Variants in NLN observed in about 807,000 individuals in gnomAD.
NLN encodes neurolysin, also known as neurolysin, mitochondrial.
A neutral mutation model predicts 79.9 loss-of-function variants in NLN; 64 were observed. The observed-to-expected ratio is 0.80, with a 90% CI of 0.65 to 0.99. NLN has a LOEUF of 0.99. Among genes scored for constraint, NLN ranks in the 50% least tolerant of loss-of-function variants. The pLI, the probability that NLN is intolerant of heterozygous loss-of-function variation, is 0.00. For synonymous variants in NLN, 267 were observed against 296.6 expected (o/e 0.90, Z 1.02); for missense variants, 835 against 858.7 (o/e 0.97, Z 0.34).
chr5:65,780,735 G>A (rs563998733), intron 5 of NLN, among the ~76,000 whole-genome samples: 4 of 152,084 alleles, frequency 2.6e-5, no homozygotes, highest in Non-Finnish European at 5.9e-5. Flanking sequence ...GTGCGATGGC[G>A]CAATCTCGCC....
chr5:65,792,676 A>G (rs1760092556), intron 9 of NLN, 21 bp downstream of exon 9: 2 of 1,572,408 alleles, frequency 1.3e-6, no homozygotes, highest in Non-Finnish European at 8.8e-7. Flanking sequence ...TTTTTCCCCC[A>G]GTAAACCTGC....
chr5:65,789,000 G>A (rs946225659), intron 8 of NLN, among the ~76,000 whole-genome samples: 3 of 151,868 alleles, frequency 2.0e-5, no homozygotes, highest in African/African-American at 4.8e-5. Context: ...AATTAGCCAG[G>A]TGTGGTGTGC....
intron 1 of NLN, among the ~76,000 whole-genome samples, chr5:65,734,898 T>C (rs537084406): frequency 1.3e-5 from 2 of 152,194 alleles, no homozygotes; most frequent in African/African-American, 2.4e-5. Context: ...CTTTCTCCTC[T>C]GCCAAGATAC....
intron 2 of NLN, among the ~76,000 whole-genome samples, chr5:65,759,852 C>G (rs749450269): frequency 1.3e-5 from 2 of 152,134 alleles, no homozygotes; most frequent in Non-Finnish European, 2.9e-5. Flanking sequence ...TTACTTTCCT[C>G]TTTATGTATT....
chr5:65,741,189 A>G (rs1758862221), intron 1 of NLN, among the ~76,000 whole-genome samples: 2 of 152,072 alleles, frequency 1.3e-5, no homozygotes, highest in Admixed American at 6.6e-5. Context: ...TAAGTTTTGA[A>G]GTGAGGTAGT....
intron 3 of NLN, among the ~76,000 whole-genome samples, chr5:65,765,288 C>T (rs1429050605): frequency 1.3e-5 from 2 of 152,142 alleles, no homozygotes; most frequent in South Asian, 2.1e-4. Context: ...GAGGCCAAGG[C>T]GGGTGGATCA....
intron 8 of NLN, among the ~76,000 whole-genome samples, chr5:65,791,715 T>A (rs1485333093): frequency 6.6e-6 from 1 of 150,658 alleles, no homozygotes; most frequent in Non-Finnish European, 1.5e-5. Flanking sequence ...AGAGCAAGAC[T>A]CTGTCTCAAA....
intron 1 of NLN, among the ~76,000 whole-genome samples, chr5:65,743,016 A>G (rs1202932131): frequency 6.6e-6 from 1 of 152,230 alleles, no homozygotes; most frequent in Non-Finnish European, 1.5e-5. Context: ...TATGCTGAAC[A>G]CATTCTTCCA....
chr5:65,782,925 A>G (rs942912216), intron 6 of NLN, among the ~76,000 whole-genome samples: 7 of 152,158 alleles, frequency 4.6e-5, no homozygotes, highest in Non-Finnish European at 8.8e-5. Flanking sequence ...CCATGGTATA[A>G]TGAGAACCTG....
At chr5:65,728,333 T>G (rs1758525093) in intron 1 of NLN, among the ~76,000 whole-genome samples, 1 of 152,192 alleles carries the variant, frequency 6.6e-6, no homozygotes, top group Non-Finnish European at 1.5e-5. Context: ...CTTTTGGGGA[T>G]GTATGCAATT....
intron 1 of NLN, among the ~76,000 whole-genome samples, chr5:65,726,370 G>A (rs187148130): frequency 6.6e-6 from 1 of 152,276 alleles, no homozygotes; most frequent in East Asian, 1.9e-4. Context: ...CTGAGTGCAT[G>A]GCAATGAAAA....
intron 1 of NLN, among the ~76,000 whole-genome samples, chr5:65,752,758 T>C (rs1346511835): frequency 6.6e-6 from 1 of 152,174 alleles, no homozygotes; most frequent in East Asian, 1.9e-4. Flanking sequence ...AAGAAAGTAC[T>C]CAGTAGATCA....
At chr5:65,729,325 A>G (rs755915724) in intron 1 of NLN, among the ~76,000 whole-genome samples, 21 of 146,298 alleles carry the variant, frequency 1.4e-4, no homozygotes, top group Non-Finnish European at 3.1e-4. Context: ...CTAGGTTGAC[A>G]TTATTTGTAC....
chr5:65,777,562 G>T (rs1364447899), intron 4 of NLN, 28 bp downstream of exon 4: 3 of 1,222,746 alleles, frequency 2.5e-6, no homozygotes, highest in Admixed American at 2.3e-5. Context: ...TTTCTTATCA[G>T]AAAAAAAAAA....
chr5:65,748,906 C>T (rs946826088), intron 1 of NLN, among the ~76,000 whole-genome samples: 2 of 152,176 alleles, frequency 1.3e-5, no homozygotes, highest in African/African-American at 4.8e-5. Flanking sequence ...TGAATTATAG[C>T]TCCCATAATC....
At chr5:65,796,979 C>T (rs1760185615) in intron 9 of NLN, among the ~76,000 whole-genome samples, 1 of 152,206 alleles carries the variant, frequency 6.6e-6, no homozygotes, top group Non-Finnish European at 1.5e-5. Flanking sequence ...TTGGCAAGAA[C>T]ATCCCGTTTT....
chr5:65,800,930 C>T (rs984618366), intron 9 of NLN, among the ~76,000 whole-genome samples: 27 of 152,100 alleles, frequency 1.8e-4, no homozygotes, highest in African/African-American at 6.3e-4. Context: ...TGAGCTCAAT[C>T]AATTCTCCTG....
chr5:65,763,744 TAC>T (rs148332590), intron 3 of NLN, among the ~76,000 whole-genome samples: 1 of 151,214 alleles, frequency 6.6e-6, no homozygotes, highest in Non-Finnish European at 1.5e-5. Flanking sequence ...GAATCCTAAT[TAC>T]TTTTTCCTTT....
Position 65,828,559 on chromosome 5 carries a change from T to C in NLN, c.*5644T>C, listed in dbSNP as rs547010042. 10 of 152,316 alleles carry C rather than the reference T, an allele frequency of 6.6e-5. No individual in the cohort carries two copies. Among genetic ancestry groups the C allele is most frequent in the African/African-American group, 2.4e-4 (10 of 41,574 alleles). The allele number at this position is 152,316 out of a possible 1,614,324, so 9.4% of individuals were successfully genotyped here. ...ATTCTGTATTGCTTCAGAAACCAAA[T>C]GGAAACAATTAAATTCCATTAGAGA... On this transcript the variant is annotated 3_prime_UTR_variant, in exon 13 of 13. Coordinates refer to ENST00000380985, the MANE Select transcript of NLN (RefSeq NM_020726.5).
Sources: gnomAD v4.1 joint callset for allele counts (sites outside exome capture counted in the v4.1 genomes callset) on GRCh38, gnomAD v4.1.1 for gene constraint, MANE v1.5 for transcripts, NCBI Gene and HGNC (gene_info 2026-07-23, HGNC 2026-07-21) for gene names.